The following ZMAT4 variants were observed in gnomAD, a reference collection of about 807,000 sequenced individuals.
ZMAT4 encodes the protein zinc finger matrin-type 4.
A neutral mutation model predicts 28.7 loss-of-function variants in ZMAT4; 17 were observed. The observed-to-expected ratio is 0.59, with a 90% CI of 0.41 to 0.89. The LOEUF (loss-of-function observed/expected upper bound fraction) is 0.89. ZMAT4 is among the 40% of genes least tolerant of loss of function. The pLI, the probability that ZMAT4 is intolerant of heterozygous loss-of-function variation, is 0.00. For synonymous variants in ZMAT4, 117 were observed against 109.2 expected, an observed-to-expected ratio of 1.07 and a Z score of -0.44; for missense variants, 240 against 283.8, an observed-to-expected ratio of 0.85 and a Z score of 1.11.
chr8:40,828,057 C>G (rs1816138944), intron 1 of ZMAT4, among the ~76,000 whole-genome samples: 1 of 152,160 alleles, frequency 6.6e-6, no homozygotes. Flanking sequence ...TCTTCAAAAG[C>G]AAGACCAAGA....
chr8:40,724,274 A>G (rs996718553), intron 3 of ZMAT4, among the ~76,000 whole-genome samples: 2 of 152,186 alleles, frequency 1.3e-5, no homozygotes, highest in Non-Finnish European at 2.9e-5. Flanking sequence ...AGGGATGGCA[A>G]CACCATTGGA....
At chr8:40,776,747 A>G (rs1267912453) in intron 2 of ZMAT4, among the ~76,000 whole-genome samples, 1 of 152,226 alleles carries the variant, frequency 6.6e-6, no homozygotes, top group Non-Finnish European at 1.5e-5. Context: ...AACAAAGTTA[A>G]CAAATCCTTC....
chr8:40,867,170 CTT>C (rs1362213637), intron 1 of ZMAT4, among the ~76,000 whole-genome samples: 1 of 152,196 alleles, frequency 6.6e-6, no homozygotes, highest in Non-Finnish European at 1.5e-5. Flanking sequence ...GGTGTGCAAT[CTT>C]TTGGCTTTCT....
chr8:40,616,584 G>T (rs1481431650), intron 5 of ZMAT4, among the ~76,000 whole-genome samples: 3 of 152,086 alleles, frequency 2.0e-5, no homozygotes, highest in African/African-American at 4.8e-5. Flanking sequence ...ATGTCCTTTG[G>T]AGGGACATGG....
chr8:40,821,428 C>T (rs1815824851), intron 2 of ZMAT4, among the ~76,000 whole-genome samples: 1 of 106,264 alleles, frequency 9.4e-6, no homozygotes, highest in South Asian at 3.6e-4. Context: ...TTAATGTGTT[C>T]TTAACGCTTA....
At chr8:40,722,063 T>C (rs1811126027) in intron 3 of ZMAT4, among the ~76,000 whole-genome samples, 1 of 151,938 alleles carries the variant, frequency 6.6e-6, no homozygotes, top group Admixed American at 6.6e-5. Flanking sequence ...CCTAAAACCA[T>C]AAAAACCCTA....
chr8:40,765,290 C>G (rs1250338934), intron 3 of ZMAT4, among the ~76,000 whole-genome samples: 4 of 152,140 alleles, frequency 2.6e-5, no homozygotes, highest in African/African-American at 7.2e-5. Context: ...CATATAATTA[C>G]CAATATACAC....
intron 3 of ZMAT4, among the ~76,000 whole-genome samples, chr8:40,718,561 C>A (rs181379983): frequency 6.6e-6 from 1 of 152,122 alleles, no homozygotes; most frequent in Non-Finnish European, 1.5e-5. Context: ...AAAGTCTGGG[C>A]AAAGGTGGAG....
chr8:40,797,676 A>G (rs1368853887), intron 2 of ZMAT4, among the ~76,000 whole-genome samples: 1 of 152,236 alleles, frequency 6.6e-6, no homozygotes, highest in Non-Finnish European at 1.5e-5. Context: ...TTGACAGGTC[A>G]TCGGAAGAAA....
chr8:40,637,114 A>T (rs954212097), intron 5 of ZMAT4, among the ~76,000 whole-genome samples: 2 of 151,632 alleles, frequency 1.3e-5, no homozygotes, highest in Non-Finnish European at 2.9e-5. Context: ...AAACTCTGTG[A>T]TTCCCATTCC....
chr8:40,554,871 G>T (rs1043720289), intron 6 of ZMAT4, among the ~76,000 whole-genome samples: 2 of 151,980 alleles, frequency 1.3e-5, no homozygotes, highest in African/African-American at 2.4e-5. Context: ...GCTAACTATA[G>T]TCACCTTACT....
At position 40,610,555 on chromosome 8, in the gene ZMAT4, C is replaced by T. The variant is rs571872138; in HGVS notation, c.578-29294G>A. On this transcript the variant is annotated intron_variant, in intron 5 of 6. Transcript: ENST00000297737. Reference sequence around the variant, plus strand: ...TCTGGGAAGCGTGATTGTCATGGAACCACTTAAGGGAAAATGAGTCATCTG... The same window carrying T: ...TCTGGGAAGCGTGATTGTCATGGAATCACTTAAGGGAAAATGAGTCATCTG... Among the ~76,000 whole-genome samples, 15 of 152,162 alleles carry T rather than the reference C, an allele frequency of 9.9e-5. No individual in the cohort carries two copies. The East Asian group carries it at 2.5e-3, about 25-fold the overall frequency.
chr8:40,645,534 T>A (rs536288066), intron 5 of ZMAT4, among the ~76,000 whole-genome samples: 2 of 152,222 alleles, frequency 1.3e-5, no homozygotes, highest in East Asian at 3.9e-4. Context: ...GAGAAGAAAA[T>A]ATCTATAGAA....
chr8:40,608,166 A>T (rs912040417), intron 5 of ZMAT4, among the ~76,000 whole-genome samples: 2 of 152,088 alleles, frequency 1.3e-5, no homozygotes, highest in African/African-American at 4.8e-5. Flanking sequence ...GTCTTTGGCT[A>T]TCAGGGAGGG....
chr8:40,780,377 A>G (rs958473489), intron 2 of ZMAT4, among the ~76,000 whole-genome samples: 6 of 152,212 alleles, frequency 3.9e-5, no homozygotes, highest in African/African-American at 1.4e-4. Flanking sequence ...GCTTCTACAG[A>G]AGGTGTATCG....
At chr8:40,549,158 G>A (rs573989166) in intron 6 of ZMAT4, among the ~76,000 whole-genome samples, 15 of 152,176 alleles carry the variant, frequency 9.9e-5, no homozygotes, top group Non-Finnish European at 1.5e-4. Flanking sequence ...CATCTATAAG[G>A]AATGGGCCCT....
At chr8:40,739,190 C>G (rs898156373) in intron 3 of ZMAT4, among the ~76,000 whole-genome samples, 1 of 152,124 alleles carries the variant, frequency 6.6e-6, no homozygotes, top group African/African-American at 2.4e-5. Context: ...CTTCCAGGAG[C>G]CTCCGAAAAG....
chr8:40,595,913 A>G (rs28813488), intron 5 of ZMAT4, among the ~76,000 whole-genome samples: 31,255 of 151,918 alleles, frequency 0.21, 3,338 homozygotes, highest in Middle Eastern at 0.26. Context: ...GTGAAACCCC[A>G]TCTCTACTAA....
rs539070725 is a variant in ZMAT4 at position 40,566,576 on chromosome 8, G to C, written c.674+14589C>G. Among the ~76,000 whole-genome samples, 22 of 152,234 alleles carry C rather than the reference G, an allele frequency of 1.4e-4. No individual in the cohort carries two copies. The Middle Eastern group carries it at 0.014, about 94-fold the overall frequency. On this transcript the variant is annotated intron_variant, in intron 6 of 6. Coordinates refer to ENST00000297737, the MANE Select transcript of ZMAT4 (RefSeq NM_024645.3). ...CTCACGGGATGTGGAATACAGAAAT[G>C]ATGACATCTGGTTCCAAGACTAAGA... is the stretch of plus-strand genomic sequence containing the variant.
Sources: allele counts gnomAD v4.1 joint callset (sites outside exome capture counted in the v4.1 genomes callset), GRCh38; gene constraint gnomAD v4.1.1; transcripts MANE v1.5; gene names NCBI Gene and HGNC (gene_info 2026-07-23, HGNC 2026-07-21).